ZNF536: variants seen among roughly 807,000 people sequenced by gnomAD.
ZNF536 encodes the protein zinc finger protein 536.
ZNF536 carries 13 observed loss-of-function variants against 84.5 expected under a neutral mutation model. The observed-to-expected ratio is 0.15, with a 90% CI of 0.10 to 0.24. ZNF536 has a LOEUF of 0.24. Ranked by LOEUF, ZNF536 falls within the 10% of genes least tolerant of loss-of-function variation. ZNF536 has a pLI of 1.00. For synonymous variants in ZNF536, 811 were observed against 742.5 expected, an observed-to-expected ratio of 1.09 and a Z score of -1.50; for missense variants, 1,536 against 1,747.5, an observed-to-expected ratio of 0.88 and a Z score of 2.16.
At chr19:30,438,539 C>A (rs1445475329) in intron 1 of ZNF536, among the ~76,000 whole-genome samples, 1 of 152,104 alleles carries the variant, frequency 6.6e-6, no homozygotes, top group African/African-American at 2.4e-5. Flanking sequence ...GGAGGCCCCT[C>A]CAGGGATATT....
chr19:30,654,989 C>G (rs1369858521), intron 1 of ZNF536, among the ~76,000 whole-genome samples: 1 of 152,216 alleles, frequency 6.6e-6, no homozygotes, highest in African/African-American at 2.4e-5. Context: ...AAGCTGTCAC[C>G]TGCACAGTGA....
At chr19:30,430,825 C>T (rs865878512) in intron 1 of ZNF536, among the ~76,000 whole-genome samples, 5 of 152,204 alleles carry the variant, frequency 3.3e-5, no homozygotes, top group African/African-American at 1.2e-4. Flanking sequence ...CAGGCATGCG[C>T]CACCATGCCT....
chr19:30,308,770 G>A (rs140561026), intron 2 of ZNF536, among the ~76,000 whole-genome samples: 2 of 152,268 alleles, frequency 1.3e-5, no homozygotes, highest in South Asian at 2.1e-4. Flanking sequence ...GCTCTGCTTC[G>A]AGTCCAGCAG....
intron 2 of ZNF536, among the ~76,000 whole-genome samples, chr19:30,499,281 GTATC>G (rs1245949058): frequency 6.6e-6 from 1 of 152,070 alleles, no homozygotes; most frequent in Non-Finnish European, 1.5e-5. Flanking sequence ...ATTTATGTAT[GTATC>G]TATCTTTGCA....
chr19:30,264,445 ATG>A (rs1359715878), intron 1 of ZNF536, among the ~76,000 whole-genome samples: 2 of 139,526 alleles, frequency 1.4e-5, no homozygotes, highest in East Asian at 2.4e-4. Context: ...GTGTGCACGC[ATG>A]TGTGTGTGTT....
At chr19:30,493,712 G>GA (rs11356720) in intron 2 of ZNF536, among the ~76,000 whole-genome samples, 1 of 152,136 alleles carries the variant, frequency 6.6e-6, no homozygotes, top group South Asian at 2.1e-4. Flanking sequence ...GTGCTTTGGG[G>GA]AAAAAAATCG....
chr19:30,593,056 G>A (rs1168020769), intron 1 of ZNF536, among the ~76,000 whole-genome samples: 2 of 152,202 alleles, frequency 1.3e-5, no homozygotes, highest in East Asian at 3.8e-4. Context: ...TCGTGCAAAC[G>A]CTGTCAGGTA....
At chr19:30,400,148 T>C (rs545168256) in intron 1 of ZNF536, among the ~76,000 whole-genome samples, 242 of 152,268 alleles carry the variant, frequency 1.6e-3, no homozygotes, top group Non-Finnish European at 2.6e-3. Context: ...TTTTTTTTTT[T>C]CCAGAATTTG....
chr19:30,621,195 T>C (rs867045289), intron 1 of ZNF536, among the ~76,000 whole-genome samples: 1 of 151,894 alleles, frequency 6.6e-6, no homozygotes, highest in South Asian at 2.1e-4. Context: ...AGTTTTGAGA[T>C]ACTAGATTAA....
At chr19:30,469,877 C>T (rs899792757) in intron 2 of ZNF536, among the ~76,000 whole-genome samples, 23 of 152,320 alleles carry the variant, frequency 1.5e-4, no homozygotes, top group African/African-American at 5.5e-4. Context: ...TTCACCCAGA[C>T]TGTCCCCAGC....
chr19:30,533,793 G>A (rs975262399), intron 2 of ZNF536, among the ~76,000 whole-genome samples: 3 of 152,188 alleles, frequency 2.0e-5, no homozygotes, highest in Non-Finnish European at 2.9e-5. Context: ...GGATCACCCC[G>A]CTATCCTCAG....
upstream of ZNF536, among the ~76,000 whole-genome samples, chr19:30,370,316 C>A (rs529264903): frequency 2.0e-5 from 3 of 152,100 alleles, no homozygotes; most frequent in African/African-American, 4.8e-5. Context: ...TGGGGTATTA[C>A]GTATTTCCCC....
At chr19:30,609,234 A>G (rs1002312046) in intron 1 of ZNF536, among the ~76,000 whole-genome samples, 3 of 152,236 alleles carry the variant, frequency 2.0e-5, no homozygotes, top group Non-Finnish European at 2.9e-5. Context: ...GGAAGATTAC[A>G]TTTTGGAATC....
At chr19:30,634,690 C>T (rs1221129698) in intron 1 of ZNF536, among the ~76,000 whole-genome samples, 3 of 152,086 alleles carry the variant, frequency 2.0e-5, no homozygotes, top group East Asian at 3.9e-4. Flanking sequence ...GTTGCATCCA[C>T]GCGTGTGAAT....
At chr19:30,627,468 C>CAAAAAAAAAAAAA (rs569312789) in intron 1 of ZNF536, among the ~76,000 whole-genome samples, 7 of 52,050 alleles carry the variant, frequency 1.3e-4, no homozygotes, top group African/African-American at 6.6e-4. Flanking sequence ...AAGGCCCTGT[C>CAAAAAAAAAAAAA]AAAAAAAAAA....
intron 1 of ZNF536, among the ~76,000 whole-genome samples, chr19:30,623,029 T>TA (rs2048542587): frequency 7.2e-6 from 1 of 138,892 alleles, no homozygotes; most frequent in African/African-American, 2.9e-5. Flanking sequence ...TGTTTTTTTT[T>TA]TTGTTTTTTT....
intron 1 of ZNF536, among the ~76,000 whole-genome samples, chr19:30,377,319 C>A (rs770187060): frequency 1.3e-5 from 2 of 152,068 alleles, no homozygotes; most frequent in Non-Finnish European, 2.9e-5. Context: ...CCCCACCACT[C>A]ACCCAAAGTT....
intron 1 of ZNF536, among the ~76,000 whole-genome samples, chr19:30,574,807 A>G (rs1022291586): frequency 1.3e-5 from 2 of 152,244 alleles, no homozygotes; most frequent in African/African-American, 4.8e-5. Context: ...TTATAAAATA[A>G]AACTAAAAAT....
chr19:30,263,885 C>T (rs1041407556), intron 1 of ZNF536, among the ~76,000 whole-genome samples: 1 of 147,564 alleles, frequency 6.8e-6, no homozygotes, highest in Non-Finnish European at 1.5e-5. Context: ...CACACATACA[C>T]ACACACACAC....
Sources: gnomAD v4.1 joint callset for allele counts (sites outside exome capture counted in the v4.1 genomes callset) on GRCh38, gnomAD v4.1.1 for gene constraint, MANE v1.5 for transcripts, NCBI Gene and HGNC (gene_info 2026-07-23, HGNC 2026-07-21) for gene names.